The following HOGA1 variants were observed in gnomAD, a reference collection of about 807,000 sequenced individuals.
The protein encoded by HOGA1 is 4-hydroxy-2-oxoglutarate aldolase 1.
In HOGA1, 30 loss-of-function variants were observed where a neutral mutation model predicts 34.3. The ratio of observed to expected loss-of-function variants is 0.87; its 90% confidence interval spans 0.65 to 1.19. The LOEUF is 1.19. Ranked by LOEUF, HOGA1 falls within the 50% of genes most tolerant of loss-of-function variation. HOGA1 has a pLI of 0.00. For synonymous variants in HOGA1, 161 were observed against 174.0 expected (o/e 0.93, Z 0.59); for missense variants, 417 against 436.5 (o/e 0.96, Z 0.40).
chr10:97,589,261 G>A (rs966151177), intron 1 of HOGA1, among the ~76,000 whole-genome samples: 1 of 151,952 alleles, frequency 6.6e-6, no homozygotes, highest in African/African-American at 2.4e-5. Flanking sequence ...GGCTGCAAAT[G>A]AGGATGGAAT....
At position 97,601,940 on chromosome 10, in the gene HOGA1, T is replaced by C. The variant is rs773306071; in HGVS notation, c.784T>C (p.Trp262Arg). 1.2e-6 allele frequency: 2 copies of C among 1,613,156 alleles called. No individual in the cohort carries two copies. Among genetic ancestry groups the C allele is most frequent in the Non-Finnish European group, 8.5e-7 (1 of 1,179,906 alleles). ...QLERLCCTGQ[W>R]EDAQKLQHRL... Reference sequence around the variant, plus strand: ...GGAGCGACTGTGCTGCACGGGGCAATGGGAAGATGCCCAGAAACTGCAGCA... The same window carrying C: ...GGAGCGACTGTGCTGCACGGGGCAACGGGAAGATGCCCAGAAACTGCAGCA... The change falls in exon 6 of 7, where the codon TGG (tryptophan) becomes CGG (arginine). Residue 262 changes from tryptophan to arginine, a missense_variant. Physicochemically the swap from Trp to Arg is moderately radical, Grantham distance 101. Transcript: ENST00000370646.
chr10:97,584,480 G>A lies in HOGA1; in HGVS notation c.-224G>A, dbSNP rs1176162564. The A allele has an allele frequency of 3.8e-6, 2 of 533,260 alleles. No individual in the cohort carries two copies. The highest frequency in any genetic ancestry group is 6.6e-6 in the Non-Finnish European group (2 of 302,640). The allele number at this position is 533,260 out of a possible 1,614,324, so 33.0% of individuals were successfully genotyped here. A position where few individuals can be genotyped will look rare whatever the true frequency, so the allele number is the denominator to read the frequency against. On this transcript the variant is annotated 5_prime_UTR_variant, in exon 1 of 7. Transcript: ENST00000370646. ...CTGGCCAGAGGGACACTGGGTTGTG[G>A]CATCTCTCTAGCTGCTACCCAGAAG... is the stretch of plus-strand genomic sequence containing the variant.
chr10:97,591,283 A>G (rs2135715906), intron 1 of HOGA1, among the ~76,000 whole-genome samples: 1 of 152,248 alleles, frequency 6.6e-6, no homozygotes. Context: ...GTCATGTGGC[A>G]TCCTACAAGG....
chr10:97,594,277 G>A (rs1294157675), intron 1 of HOGA1, among the ~76,000 whole-genome samples: 3 of 146,244 alleles, frequency 2.1e-5, no homozygotes, highest in Non-Finnish European at 4.5e-5. Flanking sequence ...CCAGGCTTAA[G>A]CAATTCTCCT....
intron 1 of HOGA1, chr10:97,590,656 C>G: frequency 7.5e-7 from 1 of 1,341,128 alleles, no homozygotes; most frequent in Non-Finnish European, 1.0e-6. Flanking sequence ...TCTGTTTTCT[C>G]TCCTATGGGG....
In HOGA1 at chr10:97,599,539, C is replaced by T. The variant is rs1314066694; in HGVS notation, c.469-141C>T. On this transcript the variant is annotated intron_variant, in intron 3 of 6. Coordinates refer to ENST00000370646, the MANE Select transcript of HOGA1 (RefSeq NM_138413.4). ...ATGACCCACTGTGATTGCTTACACTCGGGGCACGTAGCATGGGAGGGAGGC... is the reference window on the plus strand; with the variant it reads ...ATGACCCACTGTGATTGCTTACACTTGGGGCACGTAGCATGGGAGGGAGGC... 23 of 1,065,112 alleles carry T rather than the reference C, an allele frequency of 2.2e-5. No individual in the cohort carries two copies. The Admixed American group carries it at 2.9e-4, about 14-fold the overall frequency. The allele number at this position is 1,065,112 out of a possible 1,614,324, so 66.0% of individuals were successfully genotyped here.
chr10:97,605,030 G>T (rs927035703), intron 6 of HOGA1, among the ~76,000 whole-genome samples: 6 of 151,848 alleles, frequency 4.0e-5, no homozygotes, highest in Non-Finnish European at 5.9e-5. Flanking sequence ...ACAGGTTTTC[G>T]TGTGTCCATA....
intron 1 of HOGA1, among the ~76,000 whole-genome samples, chr10:97,591,963 C>T (rs372632605): frequency 2.6e-5 from 4 of 151,284 alleles, no homozygotes; most frequent in East Asian, 3.9e-4. Flanking sequence ...CTCAGCCTCC[C>T]GAGTAGCTAA....
At chr10:97,588,113 C>T (rs376339287) in intron 1 of HOGA1, among the ~76,000 whole-genome samples, 9 of 152,010 alleles carry the variant, frequency 5.9e-5, no homozygotes, top group Admixed American at 2.0e-4. Context: ...TGCCCGGCCC[C>T]GTGTAGCTCT....
intron 1 of HOGA1, among the ~76,000 whole-genome samples, chr10:97,593,498 A>AAAAT (rs1236500936): frequency 1.3e-5 from 2 of 152,162 alleles, no homozygotes; most frequent in Admixed American, 6.5e-5. Context: ...AAAAAAGAAA[A>AAAAT]AAATAAATAA....
At chr10:97,587,484 T>A (rs182144129) in intron 1 of HOGA1, among the ~76,000 whole-genome samples, 5 of 151,938 alleles carry the variant, frequency 3.3e-5, no homozygotes, top group Admixed American at 3.3e-4. Flanking sequence ...AGTTAGAGAT[T>A]CTTCTGGAAA....
chr10:97,587,026 C>A (rs1271566741), intron 1 of HOGA1, among the ~76,000 whole-genome samples: 1 of 152,222 alleles, frequency 6.6e-6, no homozygotes, highest in African/African-American at 2.4e-5. Flanking sequence ...AGAATAGGAA[C>A]TGAGCCTTCA....
chr10:97,603,800 T>C lies in HOGA1; in HGVS notation c.834+1810T>C, dbSNP rs2041138811. On this transcript the variant is annotated intron_variant, in intron 6 of 6. Coordinates refer to ENST00000370646, the MANE Select transcript of HOGA1 (RefSeq NM_138413.4). The surrounding 1 kb of genome is among the most constrained non-coding windows in gnomAD (Gnocchi z 4.5). ...TGGCCTCGAACTCCTGACCTCATGA[T>C]CCACCCGCCTCGACCTCCCAAAGTG... Among the ~76,000 whole-genome samples, 1 of 152,080 alleles carries C rather than the reference T, an allele frequency of 6.6e-6. No individual in the cohort carries two copies. The highest frequency in any genetic ancestry group is 1.5e-5 in the Non-Finnish European group (1 of 67,990).
At chr10:97,608,332 A>G (rs573596626) in intron 6 of HOGA1, among the ~76,000 whole-genome samples, 1 of 152,266 alleles carries the variant, frequency 6.6e-6, no homozygotes, top group Middle Eastern at 3.4e-3. Flanking sequence ...TTTAAAAAAT[A>G]CAATAAATAA....
chr10:97,598,966 C>T lies in HOGA1; in HGVS notation c.340+63C>T, dbSNP rs1193578609. On this transcript the variant is annotated intron_variant, in intron 2 of 6. Coordinates refer to ENST00000370646, the MANE Select transcript of HOGA1 (RefSeq NM_138413.4). ...TGTGCAGGATCCAGGCTCCTAGGCC[C>T]TAGCTTGGGTCCTGTCTCCTTGTTC... The T allele has an allele frequency of 7.5e-6, 12 of 1,609,760 alleles. No homozygotes were observed. The Middle Eastern group carries it at 1.5e-3, about 203-fold the overall frequency.
intron 6 of HOGA1, among the ~76,000 whole-genome samples, chr10:97,611,300 A>G (rs547544804): frequency 6.6e-6 from 1 of 152,152 alleles, no homozygotes; most frequent in African/African-American, 2.4e-5. Context: ...TTCTTCCCCA[A>G]TCTGAAGTTT....
intron 1 of HOGA1, among the ~76,000 whole-genome samples, chr10:97,587,106 C>G (rs1002173263): frequency 6.6e-6 from 1 of 152,174 alleles, no homozygotes; most frequent in Non-Finnish European, 1.5e-5. Context: ...ATAGAGGGTC[C>G]CTTCCCTGCT....
intron 6 of HOGA1, among the ~76,000 whole-genome samples, chr10:97,610,391 C>T (rs2041186148): frequency 6.6e-6 from 1 of 152,088 alleles, no homozygotes; most frequent in African/African-American, 2.4e-5. Flanking sequence ...TCGATTGAGC[C>T]CAGGAGGTCT....
chr10:97,599,070 T>G lies in HOGA1; in HGVS notation c.341-19T>G, dbSNP rs774350143. 1 of 1,611,600 alleles carries G rather than the reference T, an allele frequency of 6.2e-7. No homozygotes were observed. Among genetic ancestry groups the G allele is most frequent in the Middle Eastern group, 1.9e-4 (1 of 5,402 alleles). ...AGGCCTCCTTCTGCCTGCTCTCACCTCTCTCCTTCCTCTGGCAGCCACTCA... is the reference window on the plus strand; with the variant it reads ...AGGCCTCCTTCTGCCTGCTCTCACCGCTCTCCTTCCTCTGGCAGCCACTCA... On this transcript the variant is annotated intron_variant, in intron 2 of 6. Coordinates refer to ENST00000370646, the MANE Select transcript of HOGA1 (RefSeq NM_138413.4).
Sources: allele counts gnomAD v4.1 joint callset (sites outside exome capture counted in the v4.1 genomes callset), GRCh38; gene constraint gnomAD v4.1.1; non-coding constraint Gnocchi (gnomAD v3.1); transcripts MANE v1.5; gene names NCBI Gene and HGNC (gene_info 2026-07-23, HGNC 2026-07-21).